LRRC37A2: variants seen among roughly 807,000 people sequenced by gnomAD.
LRRC37A2 encodes the protein leucine rich repeat containing 37 member A2.
LRRC37A2 carries 9 observed loss-of-function variants against 68.8 expected under a neutral mutation model. That is an observed-to-expected ratio of 0.13 (90% CI 0.08 to 0.23). The LOEUF is 0.23. Ranked by LOEUF, LRRC37A2 falls within the 10% of genes least tolerant of loss-of-function variation. LRRC37A2 has a pLI of 1.00. For missense variants in LRRC37A2, 168 were observed against 950.4 expected, an observed-to-expected ratio of 0.18 and a Z score of 10.82; for synonymous variants, 63 against 367.6, an observed-to-expected ratio of 0.17 and a Z score of 9.48.
chr17:47,006,802 T>G, the LRRC37A2 span, among the ~76,000 whole-genome samples: 6 of 152,242 alleles, frequency 3.9e-5, no homozygotes, highest in Non-Finnish European at 7.3e-5. Context: ...ATGGGGCCTC[T>G]GCCAGGCACT....
At chr17:46,714,072 A>C in the LRRC37A2 span, 1 of 1,334,498 alleles carries the variant, frequency 7.5e-7, no homozygotes, top group Non-Finnish European at 1.0e-6. Context: ...ACATGTATAC[A>C]TATAAACCCA....
chr17:46,918,548 C>T, the LRRC37A2 span, among the ~76,000 whole-genome samples: 128 of 151,576 alleles, frequency 8.4e-4, 1 homozygote, highest in Non-Finnish European at 3.5e-4. Context: ...AAAGTAATTG[C>T]AAAACCACAA....
At chr17:46,625,278 CT>C in the LRRC37A2 span, among the ~76,000 whole-genome samples, 11 of 123,260 alleles carry the variant, frequency 8.9e-5, 3 homozygotes, top group Admixed American at 1.0e-3. Flanking sequence ...TCTAAAGACC[CT>C]GCTGCAAGTT....
the LRRC37A2 span, among the ~76,000 whole-genome samples, chr17:46,838,417 A>T: frequency 2.0e-5 from 3 of 152,004 alleles, no homozygotes; most frequent in Admixed American, 2.0e-4. Flanking sequence ...ACCTGAACCC[A>T]GGAGTTCAAG....
chr17:46,558,208 C>T (rs1333901447), downstream of LRRC37A2, among the ~76,000 whole-genome samples: 3 of 102,448 alleles, frequency 2.9e-5, no homozygotes, highest in South Asian at 2.8e-4. Context: ...TACAGGCATG[C>T]ACCACCATGC....
chr17:47,015,404 G>A, the LRRC37A2 span, among the ~76,000 whole-genome samples: 5 of 152,134 alleles, frequency 3.3e-5, no homozygotes, highest in Non-Finnish European at 7.3e-5. Context: ...TTAGTATTCA[G>A]TACAGTAACA....
the LRRC37A2 span, among the ~76,000 whole-genome samples, chr17:46,707,664 G>C: frequency 6.6e-6 from 1 of 152,040 alleles, no homozygotes; most frequent in Non-Finnish European, 1.5e-5. Context: ...CTTATTTGAC[G>C]TAGCATAATG....
the LRRC37A2 span, among the ~76,000 whole-genome samples, chr17:46,927,882 A>C: frequency 2.0e-5 from 3 of 151,942 alleles, no homozygotes; most frequent in African/African-American, 7.3e-5. Flanking sequence ...TGTTGATCAT[A>C]TTACCAACTT....
At chr17:46,856,205 A>G in the LRRC37A2 span, among the ~76,000 whole-genome samples, 1 of 152,230 alleles carries the variant, frequency 6.6e-6, no homozygotes, top group Admixed American at 6.5e-5. Flanking sequence ...GTGTGACTTT[A>G]GACAAATGTC....
the LRRC37A2 span, among the ~76,000 whole-genome samples, chr17:46,807,374 T>C: frequency 6.6e-6 from 1 of 152,060 alleles, no homozygotes; most frequent in East Asian, 1.9e-4. Context: ...CCCAGGTACT[T>C]GGGAGGCTGA....
the LRRC37A2 span, among the ~76,000 whole-genome samples, chr17:46,896,305 A>G: frequency 5.3e-5 from 8 of 150,738 alleles, no homozygotes; most frequent in African/African-American, 2.0e-4. Flanking sequence ...AAAAAAGAAA[A>G]AGAAAGAAAG....
the LRRC37A2 span, among the ~76,000 whole-genome samples, chr17:47,020,781 C>CAAATAAAAAAAAAAAAAA: frequency 5.0e-5 from 1 of 20,118 alleles, no homozygotes; most frequent in Admixed American, 8.2e-4. Context: ...GACTCCATCT[C>CAAATAAAAAAAAAAAAAA]AAAAAAAAAA....
the LRRC37A2 span, among the ~76,000 whole-genome samples, chr17:46,919,137 C>T: frequency 1.3e-5 from 2 of 152,172 alleles, no homozygotes; most frequent in African/African-American, 4.8e-5. Flanking sequence ...TATATCAGCC[C>T]TTGCATTGTG....
At chr17:46,761,957 A>T in the LRRC37A2 span, among the ~76,000 whole-genome samples, 55 of 152,296 alleles carry the variant, frequency 3.6e-4, no homozygotes, top group African/African-American at 1.3e-3. Context: ...TTCAAATGAC[A>T]ATTGTTCCAG....
the LRRC37A2 span, among the ~76,000 whole-genome samples, chr17:46,657,306 AG>A: frequency 4.8e-5 from 7 of 146,344 alleles, no homozygotes; most frequent in Non-Finnish European, 1.1e-4. Context: ...AATGTTAAGG[AG>A]ATCAAAGCAA....
the LRRC37A2 span, among the ~76,000 whole-genome samples, chr17:46,943,131 A>G: frequency 0.95 from 145,264 of 152,252 alleles, 69,676 homozygotes; most frequent in East Asian, 1. Context: ...ATACAAGAAC[A>G]TCAACCCAAG....
chr17:46,491,209 T>C, the LRRC37A2 span, among the ~76,000 whole-genome samples: 1 of 151,300 alleles, frequency 6.6e-6, no homozygotes, highest in African/African-American at 2.5e-5. Context: ...TGTATATGTA[T>C]GTATTTTTTA....
At chr17:46,657,984 T>TTTG in the LRRC37A2 span, among the ~76,000 whole-genome samples, 1 of 64,940 alleles carries the variant, frequency 1.5e-5, no homozygotes, top group South Asian at 8.4e-4. Context: ...TTTTTTTTTT[T>TTTG]GGCGGGGTGG....
At chr17:46,983,839 G>T in the LRRC37A2 span, among the ~76,000 whole-genome samples, 1 of 152,192 alleles carries the variant, frequency 6.6e-6, no homozygotes, top group Non-Finnish European at 1.5e-5. Context: ...CAGGATGTTG[G>T]CCAGGACTGC....
Sources: allele counts gnomAD v4.1 joint callset (sites outside exome capture counted in the v4.1 genomes callset), GRCh38; gene constraint gnomAD v4.1.1; transcripts MANE v1.5; gene names NCBI Gene and HGNC (gene_info 2026-07-23, HGNC 2026-07-21).